SLC45A2: variants seen among roughly 807,000 people sequenced by gnomAD.
The protein encoded by SLC45A2 is solute carrier family 45 member 2, also known as membrane-associated transporter protein.
Under a neutral mutation model 45.5 loss-of-function variants are expected in SLC45A2, and 36 were observed. The observed-to-expected ratio is 0.79, with a 90% CI of 0.61 to 1.04. The LOEUF (loss-of-function observed/expected upper bound fraction) is 1.04. Among genes scored for constraint, SLC45A2 ranks in the 50% least tolerant of loss-of-function variants. The pLI, the probability that SLC45A2 is intolerant of heterozygous loss-of-function variation, is 0.00. For missense variants in SLC45A2, 719 were observed against 671.0 expected (o/e 1.07, Z -0.79); for synonymous variants, 306 against 269.3 (o/e 1.14, Z -1.33).
intron 3 of SLC45A2, among the ~76,000 whole-genome samples, chr5:33,959,799 C>T (rs1038169767): frequency 5.3e-5 from 8 of 152,042 alleles, no homozygotes; most frequent in African/African-American, 1.4e-4. Flanking sequence ...TGAGCAGTGT[C>T]GAAGTTTACT....
At chr5:33,953,005 C>G (rs1428996394) in intron 4 of SLC45A2, among the ~76,000 whole-genome samples, 1 of 86,540 alleles carries the variant, frequency 1.2e-5, no homozygotes, top group Non-Finnish European at 2.3e-5. Flanking sequence ...CATCCATGTC[C>G]CTACAAAGGA....
At chr5:33,944,997 C>A in intron 6 of SLC45A2, 125 bp from the exon 7 acceptor site, 1 of 862,244 alleles carries the variant, frequency 1.2e-6, no homozygotes, top group Non-Finnish European at 1.9e-6. Context: ...TTATACAGCC[C>A]TGGTCATAAC....
At chr5:33,957,947 T>C (rs890955825) in intron 3 of SLC45A2, among the ~76,000 whole-genome samples, 2 of 152,214 alleles carry the variant, frequency 1.3e-5, no homozygotes, top group Non-Finnish European at 2.9e-5. Flanking sequence ...AGCCCCTTTG[T>C]ATATTTTAAC....
chr5:33,946,063 T>A (rs1337083164), intron 6 of SLC45A2: 8 of 985,218 alleles, frequency 8.1e-6, no homozygotes, highest in Non-Finnish European at 9.6e-6. Flanking sequence ...AACAAGTAAA[T>A]AACATCCCCA....
In SLC45A2 at chr5:33,983,587, C is replaced by A. The variant is rs997078367; in HGVS notation, c.385+612G>T. Among the ~76,000 whole-genome samples, 4 of 152,180 alleles carry A rather than the reference C, an allele frequency of 2.6e-5. No homozygotes were observed. The South Asian group carries it at 8.3e-4, about 32-fold the overall frequency. ...ACAAATGTGTGCTATTTTTAGCGAT[C>A]CTTTTTGCAATGCAACTTTATTGTA... On this transcript the variant is annotated intron_variant, in intron 1 of 6. Coordinates refer to ENST00000296589, the MANE Select transcript of SLC45A2 (RefSeq NM_016180.5).
At chr5:33,952,692 ATT>A (rs35585160) in intron 4 of SLC45A2, among the ~76,000 whole-genome samples, 5,516 of 123,766 alleles carry the variant, frequency 0.045, 314 homozygotes, top group African/African-American at 0.15. Context: ...TTTTTTTTTA[ATT>A]TTTTTTTTTT....
chr5:33,967,337 A>G (rs927080399), intron 2 of SLC45A2, among the ~76,000 whole-genome samples: 1 of 152,222 alleles, frequency 6.6e-6, no homozygotes, highest in Non-Finnish European at 1.5e-5. Context: ...CTTGACTTTT[A>G]AAATATTCCT....
At chr5:33,971,125 C>T (rs2111984024) in intron 2 of SLC45A2, 3 of 529,722 alleles carry the variant, frequency 5.7e-6, no homozygotes, top group South Asian at 4.2e-5. Context: ...GACAGCTTCA[C>T]AAAAGTAGCT....
intron 2 of SLC45A2, among the ~76,000 whole-genome samples, chr5:33,976,003 G>A (rs961735677): frequency 2.0e-5 from 3 of 152,128 alleles, no homozygotes; most frequent in African/African-American, 7.2e-5. Flanking sequence ...AGCTGCCAAG[G>A]AAACATTAAA....
intron 2 of SLC45A2, among the ~76,000 whole-genome samples, chr5:33,968,804 G>A (rs992320637): frequency 6.6e-6 from 1 of 152,136 alleles, no homozygotes; most frequent in African/African-American, 2.4e-5. Flanking sequence ...GGCAAGCTCA[G>A]CACCAGGGCT....
In SLC45A2 at chr5:33,983,195, A is replaced by C. The variant is rs140103915; in HGVS notation, c.386-783T>G. On this transcript the variant is annotated intron_variant, in intron 1 of 6. Coordinates refer to ENST00000296589, the MANE Select transcript of SLC45A2 (RefSeq NM_016180.5). ...TTTCTTCATATAATTTCAGCTCCTC[A>C]CAATTTTTAACAGCTGGATTTTCAT... Among the ~76,000 whole-genome samples, 10 of 152,344 alleles carry C rather than the reference A, an allele frequency of 6.6e-5. No individual in the cohort carries two copies. The East Asian group carries it at 1.9e-3, about 29-fold the overall frequency.
At chr5:33,965,517 A>G (rs959966301) in intron 2 of SLC45A2, among the ~76,000 whole-genome samples, 2 of 152,244 alleles carry the variant, frequency 1.3e-5, no homozygotes, top group African/African-American at 4.8e-5. Context: ...ACTGTGGCCA[A>G]TGGGGCACAG....
Position 33,969,065 on chromosome 5 carries a change from C to CTCTCTCTCTGTG in SLC45A2, c.563-5050_563-5049insCACAGAGAGAGA. 9.1e-4 allele frequency among the ~76,000 whole-genome samples: 93 copies of CTCTCTCTCTGTG among 102,460 alleles called. 1 individual carries two copies. The highest frequency in any genetic ancestry group is 3.0e-3 in the African/African-American group (82 of 27,026). 67.2% of individuals were successfully genotyped at this position (102,460 alleles called of 152,430 possible). On this transcript the variant is annotated intron_variant, in intron 2 of 6. Transcript: ENST00000296589. ...AGCTACTCTCTCTCTCTCTCTCTCTCTGTGTGTGTGTGTGTGTGTGTGTGT... is the reference window on the plus strand; with the variant it reads ...AGCTACTCTCTCTCTCTCTCTCTCTCTCTCTCTCTGTGTGTGTGTGTGTGTGTGTGTGTGTGT...
At chr5:33,964,203 CT>C (rs1156799246) in intron 2 of SLC45A2, among the ~76,000 whole-genome samples, 187 bp from the exon 3 acceptor site, 2 of 152,148 alleles carry the variant, frequency 1.3e-5, no homozygotes. Flanking sequence ...CAAGTTTTGG[CT>C]CTAGCATTTA....
intron 1 of SLC45A2, among the ~76,000 whole-genome samples, chr5:33,982,763 G>C (rs553492629): frequency 6.6e-6 from 1 of 152,084 alleles, no homozygotes; most frequent in Non-Finnish European, 1.5e-5. Context: ...GCACTGAATT[G>C]TACACTTTTA....
At chr5:33,962,997 C>A (rs1024641559) in intron 3 of SLC45A2, among the ~76,000 whole-genome samples, 1 of 152,192 alleles carries the variant, frequency 6.6e-6, no homozygotes, top group African/African-American at 2.4e-5. Flanking sequence ...TACATCTGCA[C>A]GTCCTATATT....
intron 3 of SLC45A2, among the ~76,000 whole-genome samples, chr5:33,956,011 C>T (rs1752264476): frequency 1.5e-5 from 2 of 137,362 alleles, no homozygotes; most frequent in African/African-American, 2.5e-5. Flanking sequence ...AGGAAGGAAC[C>T]AGATGGTGTT....
intron 1 of SLC45A2, among the ~76,000 whole-genome samples, chr5:33,983,584 G>A (rs1753143569): frequency 6.6e-6 from 1 of 152,160 alleles, no homozygotes; most frequent in Non-Finnish European, 1.5e-5. Context: ...TATTTTTAGC[G>A]ATCCTTTTTG....
intron 2 of SLC45A2, among the ~76,000 whole-genome samples, chr5:33,974,983 T>C (rs990898483): frequency 1.3e-5 from 2 of 152,228 alleles, no homozygotes; most frequent in Admixed American, 1.3e-4. Context: ...ATGTCGATTG[T>C]CATTGTCACT....
Sources: gnomAD v4.1 joint callset for allele counts (sites outside exome capture counted in the v4.1 genomes callset) on GRCh38, gnomAD v4.1.1 for gene constraint, MANE v1.5 for transcripts, NCBI Gene and HGNC (gene_info 2026-07-23, HGNC 2026-07-21) for gene names.